Variants in DOCK8 observed in about 807,000 individuals in gnomAD.
The protein encoded by DOCK8 is dedicator of cytokinesis protein 8.
A neutral mutation model predicts 245.6 loss-of-function variants in DOCK8; 141 were observed. The observed-to-expected ratio is 0.57, with a 90% CI of 0.50 to 0.66. The LOEUF (loss-of-function observed/expected upper bound fraction) is 0.66, where lower values mean the gene tolerates loss of function less well. Ranked by LOEUF, DOCK8 falls within the 30% of genes least tolerant of loss-of-function variation. The pLI, the probability that DOCK8 is intolerant of heterozygous loss-of-function variation, is 0.00. For synonymous variants in DOCK8, 1,168 were observed against 970.2 expected, an observed-to-expected ratio of 1.20 and a Z score of -3.79; for missense variants, 2,965 against 2,603.4, an observed-to-expected ratio of 1.14 and a Z score of -3.02.
At chr9:400,755 TCACCACCACCTCCAC>T (rs1564015283) in intron 26 of DOCK8, among the ~76,000 whole-genome samples, 39 of 2,980 alleles carry the variant, frequency 0.013, no homozygotes, top group Non-Finnish European at 0.018. Context: ...ATCTTCACCA[TCACCACCACCTCCAC>T]CACCACCACC....
At chr9:409,907 G>T (rs1025158832) in intron 28 of DOCK8, among the ~76,000 whole-genome samples, 1 of 152,016 alleles carries the variant, frequency 6.6e-6, no homozygotes, top group Non-Finnish European at 1.5e-5. Context: ...AGTATTCCAT[G>T]GTGTATATGT....
intron 14 of DOCK8, among the ~76,000 whole-genome samples, chr9:361,286 G>T (rs573416057): frequency 6.6e-6 from 1 of 152,262 alleles, no homozygotes; most frequent in East Asian, 1.9e-4. Flanking sequence ...CAGACTGAGA[G>T]AAATGGAAAA....
intron 14 of DOCK8, among the ~76,000 whole-genome samples, chr9:360,631 G>T (rs2052683811): frequency 6.6e-6 from 1 of 152,150 alleles, no homozygotes; most frequent in Non-Finnish European, 1.5e-5. Context: ...TTTCGGTTTT[G>T]AGGTTTTACT....
rs775736850 is a variant in DOCK8 at position 289,495 on chromosome 9, T to C, written c.333-15T>C. The C allele has an allele frequency of 6.2e-7, 1 of 1,611,370 alleles. No individual in the cohort carries two copies. The highest frequency in any genetic ancestry group is 8.5e-7 in the Non-Finnish European group (1 of 1,177,754). ...CCCAGTAATAACGTGTTTATTTCAT[T>C]TTCTACCTCATTAGGGTTGAACTGG... On this transcript the variant is annotated splice_polypyrimidine_tract_variant and intron_variant, in intron 3 of 47. Coordinates refer to ENST00000432829, the MANE Select transcript of DOCK8 (RefSeq NM_203447.4).
At chr9:435,004 G>C (rs2056848839) in intron 39 of DOCK8, 29 bp downstream of exon 39, 8 of 1,609,742 alleles carry the variant, frequency 5.0e-6, no homozygotes, top group Non-Finnish European at 6.8e-6. Flanking sequence ...TTCCCTTAGA[G>C]CAGTGGTTCT....
chr9:279,044 AAGTG>A (rs2048467047), intron 2 of DOCK8, among the ~76,000 whole-genome samples: 1 of 152,188 alleles, frequency 6.6e-6, no homozygotes, highest in Non-Finnish European at 1.5e-5. Context: ...GCAGAAGAGA[AAGTG>A]AGAAGTATTC....
intron 1 of DOCK8, among the ~76,000 whole-genome samples, chr9:258,075 C>T (rs564966769): frequency 6.7e-6 from 1 of 149,892 alleles, no homozygotes; most frequent in East Asian, 2.0e-4. Context: ...AAAACTTTCT[C>T]TCTCAGCCAC....
At chr9:286,725 TAAAAA>T (rs1447364603) in intron 3 of DOCK8, 89 bp downstream of exon 3, 12 of 1,237,372 alleles carry the variant, frequency 9.7e-6, no homozygotes, top group Non-Finnish European at 1.4e-5. Context: ...AATCTGAACT[TAAAAA>T]TAAAATAAAA....
At chr9:369,924 C>G (rs1447050773) in intron 15 of DOCK8, 3 of 380,262 alleles carry the variant, frequency 7.9e-6, no homozygotes, top group East Asian at 1.2e-4. Flanking sequence ...GCCTCCGCCC[C>G]CTGAGTAGCA....
intron 1 of DOCK8, among the ~76,000 whole-genome samples, chr9:256,551 A>G (rs1396292788): frequency 6.6e-6 from 1 of 152,186 alleles, no homozygotes; most frequent in African/African-American, 2.4e-5. Flanking sequence ...AGCCTCAGAG[A>G]GATTTCCTTT....
At chr9:432,104 A>T in intron 36 of DOCK8, 62 bp from the exon 37 acceptor site, 1 of 1,575,548 alleles carries the variant, frequency 6.3e-7, no homozygotes, top group Admixed American at 1.7e-5. Context: ...TGCTGCTTTC[A>T]GTTATCTACT....
chr9:235,084 G>T (rs1389432216), intron 1 of DOCK8, among the ~76,000 whole-genome samples: 2 of 152,112 alleles, frequency 1.3e-5, no homozygotes, highest in African/African-American at 4.8e-5. Context: ...TGGTGTGGAT[G>T]TCCTTTCTGT....
At chr9:426,215 C>G (rs12353411) in intron 33 of DOCK8, among the ~76,000 whole-genome samples, 3 of 152,102 alleles carry the variant, frequency 2.0e-5, no homozygotes, top group Admixed American at 6.5e-5. Context: ...AATAGAGGAG[C>G]GAGCACCAGG....
intron 4 of DOCK8, among the ~76,000 whole-genome samples, chr9:297,994 A>G (rs1012373980): frequency 6.6e-6 from 1 of 152,230 alleles, no homozygotes; most frequent in Admixed American, 6.5e-5. Context: ...TGTGGGGTCC[A>G]TGTGAAAAAC....
chr9:404,842 A>G (rs2055338722), intron 26 of DOCK8, 76 bp from the exon 27 acceptor site: 1 of 1,520,370 alleles, frequency 6.6e-7, no homozygotes, highest in African/African-American at 1.4e-5. Flanking sequence ...GAGAAAGGAT[A>G]TTTTTGTGTC....
At chr9:452,163 A>C in intron 46 of DOCK8, 46 bp downstream of exon 46, 33 of 1,288,856 alleles carry the variant, frequency 2.6e-5, no homozygotes, top group Non-Finnish European at 3.6e-5. Context: ...AGTGGTTCTC[A>C]AAGTGCAATC....
chr9:266,753 A>G (rs1287793713), intron 1 of DOCK8, among the ~76,000 whole-genome samples: 4 of 152,218 alleles, frequency 2.6e-5, no homozygotes, highest in Admixed American at 2.0e-4. Context: ...GGGTATTGAC[A>G]TTTTAAATAA....
chr9:245,338 A>G (rs1210693462), intron 1 of DOCK8, among the ~76,000 whole-genome samples: 2 of 151,950 alleles, frequency 1.3e-5, no homozygotes, highest in Non-Finnish European at 2.9e-5. Context: ...CCCAATAGCT[A>G]GGATTACAGG....
intron 2 of DOCK8, chr9:273,246 T>C (rs1300580012): frequency 2.2e-6 from 1 of 463,030 alleles, no homozygotes; most frequent in Non-Finnish European, 2.8e-6. Context: ...AATCTACTTA[T>C]GACTTCAGTG....
Sources: gnomAD v4.1 joint callset for allele counts (sites outside exome capture counted in the v4.1 genomes callset) on GRCh38, gnomAD v4.1.1 for gene constraint, MANE v1.5 for transcripts, NCBI Gene and HGNC (gene_info 2026-07-23, HGNC 2026-07-21) for gene names.